The following GINS1 variants were observed in gnomAD, a reference collection of about 807,000 sequenced individuals.
GINS1 encodes the protein DNA replication complex GINS protein PSF1.
GINS1 carries 26 observed loss-of-function variants against 34.9 expected under a neutral mutation model. That is an observed-to-expected ratio of 0.74 (90% CI 0.55 to 1.03). The LOEUF (loss-of-function observed/expected upper bound fraction) is 1.03, where lower values mean the gene tolerates loss of function less well. GINS1 is among the 50% of genes least tolerant of loss of function. The probability of loss-of-function intolerance (pLI) is 0.00; values close to 1 mark genes in which losing one functional copy is unlikely to be tolerated. For missense variants in GINS1, 235 were observed against 237.9 expected, an observed-to-expected ratio of 0.99 and a Z score of 0.08; for synonymous variants, 97 against 84.4, an observed-to-expected ratio of 1.15 and a Z score of -0.82.
At chr20:25,416,834 A>T (rs921169596) in intron 2 of GINS1, among the ~76,000 whole-genome samples, 12 of 152,254 alleles carry the variant, frequency 7.9e-5, no homozygotes, top group African/African-American at 2.9e-4. Flanking sequence ...TTTTAGAAAG[A>T]ATAGAGATTA....
In GINS1 at chr20:25,445,976, G is replaced by C; in HGVS notation, c.576G>C (p.Glu192Asp). 3 of 1,609,768 alleles carry C rather than the reference G, an allele frequency of 1.9e-6. No homozygotes were observed. The highest frequency in any genetic ancestry group is 2.6e-6 in the Non-Finnish European group (3 of 1,176,218). Residue 192 changes from glutamate (E) to aspartate (D), a missense_variant, in exon 7 of 7, where the codon GAG (glutamate) becomes GAC (aspartate). Physicochemically the swap from Glu to Asp is conservative, Grantham distance 45. Transcript: ENST00000262460. ...AGCTGATCAGACAAGGAGTCCTGGA[G>C]CACATCCTGTCATGACCATGCGCCG... is the stretch of plus-strand genomic sequence containing the variant. ...CEQLIRQGVLEHILS is the reference protein window; with the variant it reads ...CEQLIRQGVLDHILS
At chr20:25,431,825 G>A (rs2090428686) in intron 5 of GINS1, among the ~76,000 whole-genome samples, 1 of 151,326 alleles carries the variant, frequency 6.6e-6, no homozygotes, top group African/African-American at 2.4e-5. Context: ...ACCCACCTTG[G>A]CCTCACAAAG....
intron 4 of GINS1, chr20:25,420,850 G>C: frequency 1.0e-6 from 1 of 971,008 alleles, no homozygotes; most frequent in East Asian, 1.1e-4. Flanking sequence ...TCTTAGTAGT[G>C]ATGTTTTGGA....
intron 5 of GINS1, among the ~76,000 whole-genome samples, chr20:25,441,449 G>A (rs781733132): frequency 1.9e-4 from 29 of 152,082 alleles, no homozygotes; most frequent in African/African-American, 5.1e-4. Context: ...AGGCAACATC[G>A]TTGTCTCCCT....
chr20:25,437,905 G>A (rs2090462331), intron 5 of GINS1, among the ~76,000 whole-genome samples: 1 of 152,030 alleles, frequency 6.6e-6, no homozygotes, highest in African/African-American at 2.4e-5. Context: ...GATCACCTGA[G>A]GTCAGGAGTT....
Position 25,417,775 on chromosome 20 carries a change from A to T in GINS1, c.240-330A>T, listed in dbSNP as rs568960525. 5.3e-5 allele frequency among the ~76,000 whole-genome samples: 8 copies of T among 152,268 alleles called. No individual in the cohort carries two copies. The South Asian group carries it at 1.7e-3, about 32-fold the overall frequency. ...AGGCTGAGGCAGGAGAATTGCTTGA[A>T]TCTGGGAGCCAGAGGTTGTAGTGAA... On this transcript the variant is annotated intron_variant, in intron 3 of 6. Transcript: ENST00000262460.
intron 5 of GINS1, among the ~76,000 whole-genome samples, chr20:25,434,296 GA>G (rs545647911): frequency 6.2e-5 from 9 of 145,918 alleles, no homozygotes; most frequent in African/African-American, 1.3e-4. Context: ...CCGCTGCCCA[GA>G]AAAAAAAAAC....
rs553567879 is a variant in GINS1, at chr20:25,424,387, T to G, written c.331-824T>G. The stretch of plus-strand genomic sequence containing the variant: ...ATAGATTGTTGACGTTATTACAATA[T>G]TGAATCATCCAATCTGTGAATATGG... On this transcript the variant is annotated intron_variant, in intron 4 of 6. Coordinates refer to ENST00000262460, the MANE Select transcript of GINS1 (RefSeq NM_021067.5). Among the ~76,000 whole-genome samples, 52 of 152,356 alleles carry G rather than the reference T, an allele frequency of 3.4e-4. No homozygotes were observed. The East Asian group carries it at 0.01, about 29-fold the overall frequency.
Position 25,427,280 on chromosome 20 carries a change from C to T in GINS1, c.447+1953C>T, listed in dbSNP as rs552073853. ...CTCCCAGGTTCACCTCAACTGCAAC[C>T]TCCACCTCCCAGGTTCAAGTGATTC... On this transcript the variant is annotated intron_variant, in intron 5 of 6. Transcript: ENST00000262460. Among the ~76,000 whole-genome samples, 19 of 152,272 alleles carry T rather than the reference C, an allele frequency of 1.2e-4. No individual in the cohort carries two copies. In the South Asian group the frequency reaches 3.9e-3, roughly 32 times the overall value.
chr20:25,445,263 C>T (rs1359539574), intron 6 of GINS1, among the ~76,000 whole-genome samples: 2 of 151,970 alleles, frequency 1.3e-5, no homozygotes, highest in Non-Finnish European at 2.9e-5. Context: ...GGCACAATCT[C>T]GGCTCACCCC....
intron 5 of GINS1, among the ~76,000 whole-genome samples, chr20:25,425,831 AAAT>A (rs1193804870): frequency 6.6e-6 from 1 of 152,198 alleles, no homozygotes; most frequent in Non-Finnish European, 1.5e-5. Context: ...TCTATTTTTT[AAAT>A]AATAAAATAC....
In GINS1 at chr20:25,447,556, A is replaced by AT. The variant is rs1176272597; in HGVS notation, c.*1566dup. The AT allele has an allele frequency of 2.0e-5, 3 of 152,182 alleles. No homozygotes were observed. The highest frequency in any genetic ancestry group is 7.2e-5 in the African/African-American group (3 of 41,450). The allele number at this position is 152,182 out of a possible 1,614,324, so 9.4% of individuals were successfully genotyped here. On this transcript the variant is annotated 3_prime_UTR_variant, in exon 7 of 7. Transcript: ENST00000262460. ...CCATTGACCTGTTTTTCTCTCCTGA[A>AT]TGCCAATACCATATTTGTATGTAGT...
At chr20:25,428,791 A>C (rs951583265) in intron 5 of GINS1, among the ~76,000 whole-genome samples, 3 of 152,036 alleles carry the variant, frequency 2.0e-5, no homozygotes, top group Non-Finnish European at 4.4e-5. Context: ...CTATGTAGGC[A>C]AGGGTTTATT....
intron 5 of GINS1, among the ~76,000 whole-genome samples, chr20:25,428,652 C>T (rs976892804): frequency 3.3e-5 from 5 of 151,752 alleles, no homozygotes; most frequent in African/African-American, 1.2e-4. Context: ...GATCCGCCCA[C>T]CTCGGCCTCC....
chr20:25,435,789 C>CA (rs1491415398), intron 5 of GINS1, among the ~76,000 whole-genome samples: 1 of 67,382 alleles, frequency 1.5e-5, no homozygotes, highest in Non-Finnish European at 2.5e-5. Flanking sequence ...AAAAAAAAAA[C>CA]CAACTTTTTG....
Position 25,446,046 on chromosome 20 carries a change from A to T in GINS1, c.*55A>T. On this transcript the variant is annotated 3_prime_UTR_variant, in exon 7 of 7. Transcript: ENST00000262460. Reference sequence around the variant, plus strand: ...TCAACTCATGGACTCCTCTGTACTCACTCTCTCCACCACTCCCTTCACCTC... The same window carrying T: ...TCAACTCATGGACTCCTCTGTACTCTCTCTCTCCACCACTCCCTTCACCTC... The T allele has an allele frequency of 3.4e-6, 3 of 892,850 alleles. No individual in the cohort carries two copies. The highest frequency in any genetic ancestry group is 1.5e-5 in the South Asian group (1 of 66,520). 55.3% of individuals were successfully genotyped at this position (892,850 alleles called of 1,614,324 possible).
intron 4 of GINS1, chr20:25,419,810 G>A (rs565916172): frequency 5.2e-5 from 10 of 191,770 alleles, no homozygotes; most frequent in Admixed American, 1.2e-4. Flanking sequence ...TTACAGGTGC[G>A]TGCCTCCATG....
chr20:25,410,096 C>A (rs1181340732), intron 1 of GINS1, among the ~76,000 whole-genome samples: 1 of 152,122 alleles, frequency 6.6e-6, no homozygotes, highest in Admixed American at 6.5e-5. Flanking sequence ...AATCCCCCCA[C>A]TTTGGGAGGC....
rs1444601038 is a variant in GINS1 at position 25,448,190 on chromosome 20, G to A, written c.*2199G>A. On this transcript the variant is annotated 3_prime_UTR_variant, in exon 7 of 7. Transcript: ENST00000262460. ...AACAACAACAACAAAAACCCCTGTT[G>A]GGCACCTTGATTGAGATTGCATTGA... 1.3e-5 allele frequency: 2 copies of A among 152,122 alleles called. No individual in the cohort carries two copies. Among genetic ancestry groups the A allele is most frequent in the Non-Finnish European group, 2.9e-5 (2 of 68,026 alleles). The allele number at this position is 152,122 out of a possible 1,614,324, so 9.4% of individuals were successfully genotyped here.
Sources: gnomAD v4.1 joint callset for allele counts (sites outside exome capture counted in the v4.1 genomes callset) on GRCh38, gnomAD v4.1.1 for gene constraint, MANE v1.5 for transcripts, NCBI Gene and HGNC (gene_info 2026-07-23, HGNC 2026-07-21) for gene names.